DGKD: variants seen among roughly 807,000 people sequenced by gnomAD.
DGKD encodes the protein DAG kinase delta.
DGKD carries 68 observed loss-of-function variants against 154.4 expected under a neutral mutation model. The ratio of observed to expected loss-of-function variants is 0.44; its 90% CI spans 0.36 to 0.54. The LOEUF (loss-of-function observed/expected upper bound fraction) is 0.54, where lower values mean the gene tolerates loss of function less well. Among genes scored for constraint, DGKD ranks in the 20% least tolerant of loss-of-function variants. The pLI is 0.00. For synonymous variants in DGKD, 693 were observed against 638.0 expected (o/e 1.09, Z -1.30); for missense variants, 1,343 against 1,593.6 (o/e 0.84, Z 2.68).
chr2:233,391,359 A>C (rs1231691092), intron 3 of DGKD, among the ~76,000 whole-genome samples: 1 of 152,164 alleles, frequency 6.6e-6, no homozygotes, highest in South Asian at 2.1e-4. Context: ...GTCTTTACCT[A>C]CATGTACCCA....
Position 233,456,906 on chromosome 2 carries a change from A to G in DGKD, c.2383A>G (p.Thr795Ala). 5 of 1,613,858 alleles carry G rather than the reference A, an allele frequency of 3.1e-6. No individual in the cohort carries two copies. Among genetic ancestry groups the G allele is most frequent in the Non-Finnish European group, 4.2e-6 (5 of 1,179,708 alleles). ...DEHPEKCRSR[T>A]KNMMWYGVLG... ...CTTTGCTTCTGTTTCTAGGAGCCGA[A>G]CCAAGAACATGATGTGGTATGGAGT... The change falls in exon 20 of 30, where the codon ACC becomes GCC. Residue 795 changes from threonine (T) to alanine (A), a missense_variant. Transcript: ENST00000264057.
intron 3 of DGKD, among the ~76,000 whole-genome samples, chr2:233,419,774 G>C (rs2062056329): frequency 2.0e-5 from 3 of 152,192 alleles, no homozygotes; most frequent in South Asian, 4.1e-4. Context: ...GATTTGTTCT[G>C]CTTTGGGTGT....
chr2:233,371,228 T>C (rs559611998), intron 1 of DGKD, among the ~76,000 whole-genome samples: 1 of 152,078 alleles, frequency 6.6e-6, no homozygotes, highest in South Asian at 2.1e-4. Flanking sequence ...TTTCCACTTA[T>C]TATAATATAA....
intron 3 of DGKD, among the ~76,000 whole-genome samples, chr2:233,430,070 A>G (rs896969290): frequency 2.0e-5 from 3 of 152,272 alleles, no homozygotes; most frequent in African/African-American, 7.2e-5. Context: ...TCTAAAAGTT[A>G]AATAACATAT....
intron 1 of DGKD, among the ~76,000 whole-genome samples, chr2:233,356,143 G>A (rs867597579): frequency 2.0e-5 from 3 of 152,228 alleles, no homozygotes; most frequent in African/African-American, 7.2e-5. Flanking sequence ...GTGAGATCTT[G>A]AGGGATAAAG....
At chr2:233,450,361 T>G (rs2063234634) in intron 16 of DGKD, among the ~76,000 whole-genome samples, 1 of 152,008 alleles carries the variant, frequency 6.6e-6, no homozygotes, top group Non-Finnish European at 1.5e-5. Context: ...CGAGACCCCC[T>G]CCATCAGGGC....
intron 1 of DGKD, among the ~76,000 whole-genome samples, chr2:233,365,616 T>C (rs1701988332): frequency 6.6e-6 from 1 of 152,178 alleles, no homozygotes; most frequent in African/African-American, 2.4e-5. Flanking sequence ...TAAGTTTTTT[T>C]CCAATGCACA....
In DGKD at chr2:233,388,339, G is replaced by A. The variant is rs759975026; in HGVS notation, c.239G>A (p.Arg80Gln). ...SKRRYFKLRGRTLYYAKTAKS... is the reference protein window; with the variant it reads ...SKRRYFKLRGQTLYYAKTAKS... ...AGGAGATACTTTAAGCTTCGAGGGC[G>A]AACGCTTTACTATGCCAAAACGGCA... is the stretch of plus-strand genomic sequence containing the variant. The change falls in exon 2 of 30, where the codon CGA becomes CAA. Residue 80 changes from arginine to glutamine, a missense_variant. Around this residue, in one of 6 missense-constraint regions of DGKD, gnomAD observed 332 missense variants for 400.1 expected, o/e 0.83. Transcript: ENST00000264057. 9 of 1,613,786 alleles carry A rather than the reference G, an allele frequency of 5.6e-6. No individual in the cohort carries two copies. Among genetic ancestry groups the A allele is most frequent in the Admixed American group, 1.7e-5 (1 of 59,940 alleles).
At chr2:233,467,802 G>A (rs1463548702) in intron 28 of DGKD, among the ~76,000 whole-genome samples, 1 of 152,218 alleles carries the variant, frequency 6.6e-6, no homozygotes, top group Non-Finnish European at 1.5e-5. Flanking sequence ...ACTGGTGTTT[G>A]CCGCCAGTCA....
At chr2:233,430,230 A>G (rs1376708446) in intron 3 of DGKD, among the ~76,000 whole-genome samples, 1 of 152,230 alleles carries the variant, frequency 6.6e-6, no homozygotes, top group Non-Finnish European at 1.5e-5. Context: ...ACTTCTAGGA[A>G]TTTACCCCAG....
chr2:233,394,209 A>G (rs1703841613), intron 3 of DGKD, among the ~76,000 whole-genome samples: 1 of 152,196 alleles, frequency 6.6e-6, no homozygotes, highest in Non-Finnish European at 1.5e-5. Flanking sequence ...ATATTGAGTA[A>G]TCATTTGTTA....
At chr2:233,462,872 G>T in intron 26 of DGKD, 137 bp downstream of exon 26, 1 of 772,906 alleles carries the variant, frequency 1.3e-6, no homozygotes, top group Non-Finnish European at 2.1e-6. Context: ...GAGGTCATTT[G>T]GTTTGTTGTG....
intron 3 of DGKD, among the ~76,000 whole-genome samples, chr2:233,396,610 G>A (rs1704050341): frequency 6.6e-6 from 1 of 152,230 alleles, no homozygotes; most frequent in Non-Finnish European, 1.5e-5. Flanking sequence ...TGGCCTTGGG[G>A]AGGGGCTGGG....
intron 3 of DGKD, chr2:233,419,149 C>T (rs984140367): frequency 3.7e-5 from 33 of 894,746 alleles, no homozygotes; most frequent in East Asian, 1.2e-4. Context: ...TGCTTATTCT[C>T]GGCCACCTTT....
At position 233,441,952 on chromosome 2, in the gene DGKD, G is replaced by A; in HGVS notation, c.1151G>A (p.Gly384Asp). The A allele has an allele frequency of 6.2e-7, 1 of 1,614,186 alleles. No homozygotes were observed. The highest frequency in any genetic ancestry group is 8.5e-7 in the Non-Finnish European group (1 of 1,180,022). The stretch of plus-strand genomic sequence containing the variant: ...GTTTGTGGCGGGGATGGAAGTGTTG[G>A]CTGGGTCCTCTCCGAAATCGACAGC... ...ILVCGGDGSV[G>D]WVLSEIDSLN... is the part of the protein sequence containing the mutation. Residue 384 changes from glycine (G) to aspartate (D), a missense_variant, in exon 10 of 30, where the codon GGC becomes GAC. This residue lies in a region of DGKD where 56 missense variants were observed against 111.1 expected (regional missense o/e 0.50). Coordinates refer to ENST00000264057, the MANE Select transcript of DGKD (RefSeq NM_152879.3). This position sits in a 1 kb window ranked among gnomAD's most constrained non-coding sequence, Gnocchi z 5.6.
chr2:233,462,943 C>T (rs976443089), intron 26 of DGKD, among the ~76,000 whole-genome samples: 4 of 152,242 alleles, frequency 2.6e-5, no homozygotes, highest in Non-Finnish European at 5.9e-5. Flanking sequence ...ATGCGAGAAG[C>T]GCTTGCAGCG....
At chr2:233,371,646 G>A (rs1309211521) in intron 1 of DGKD, among the ~76,000 whole-genome samples, 3 of 152,148 alleles carry the variant, frequency 2.0e-5, no homozygotes, top group Admixed American at 6.5e-5. Context: ...GTTCTTCCAC[G>A]AGTTTTGTAG....
At chr2:233,468,763 G>C (rs773699671) in intron 29 of DGKD, among the ~76,000 whole-genome samples, 3 of 152,196 alleles carry the variant, frequency 2.0e-5, no homozygotes, top group Non-Finnish European at 4.4e-5. Context: ...CAGACATAAT[G>C]GGGGGCAGAG....
rs146793372 is a variant in DGKD, at chr2:233,458,030, G to A, written c.2581-254G>A. Among the ~76,000 whole-genome samples, 36 of 152,274 alleles carry A rather than the reference G, an allele frequency of 2.4e-4. No homozygotes were observed. The highest frequency in any genetic ancestry group is 6.3e-4 in the African/African-American group (26 of 41,550). ...ACTGATGGCCCTGGAGGAGCGTGCC[G>A]TTAGTTTCCCCATTTTACGCATGAG... On this transcript the variant is annotated intron_variant, in intron 21 of 29. Transcript: ENST00000264057. The surrounding 1 kb of genome is among the most constrained non-coding windows in gnomAD (Gnocchi z 6.6).
Sources: allele counts gnomAD v4.1 joint callset (sites outside exome capture counted in the v4.1 genomes callset), GRCh38; gene constraint gnomAD v4.1.1; regional missense constraint gnomAD v4.1.1; non-coding constraint Gnocchi (gnomAD v3.1); transcripts MANE v1.5; gene names NCBI Gene and HGNC (gene_info 2026-07-23, HGNC 2026-07-21).